IL1RAPL1: variants seen among roughly 807,000 people sequenced by gnomAD.
The protein encoded by IL1RAPL1 is interleukin 1 receptor accessory protein like 1.
Under a neutral mutation model 48.4 loss-of-function variants are expected in IL1RAPL1, and 3 were observed. The observed-to-expected ratio is 0.06, with a 90% CI of 0.03 to 0.16. IL1RAPL1 has a LOEUF of 0.16. IL1RAPL1 is among the 10% of genes least tolerant of loss of function. The pLI is 1.00. For missense variants in IL1RAPL1, 349 were observed against 530.6 expected, an observed-to-expected ratio of 0.66 and a Z score of 3.36; for synonymous variants, 185 against 187.7, an observed-to-expected ratio of 0.99 and a Z score of 0.12.
rs781262575 is a variant in IL1RAPL1, at chrX:28,840,256, G to A, written c.82+50831G>A. Among the ~76,000 whole-genome samples the A allele has an allele frequency of 7.1e-4, 79 of 111,012 alleles. 1 individual carries two copies. Among genetic ancestry groups the A allele is most frequent in the Non-Finnish European group, 1.3e-3 (68 of 52,542 alleles). On this transcript the variant is annotated intron_variant, in intron 2 of 10. Transcript: ENST00000378993. The stretch of plus-strand genomic sequence containing the variant: ...TCTGATAGTGGCATTTCGTATAACC[G>A]TAGTACATGAACAAAATCAGAAAAT...
chrX:28,947,357 C>T (rs902639226), intron 2 of IL1RAPL1, among the ~76,000 whole-genome samples: 4 of 111,650 alleles, frequency 3.6e-5, no homozygotes, highest in East Asian at 2.8e-4. Context: ...GGTTTATTCA[C>T]GTATTCAAAT....
intron 1 of IL1RAPL1, among the ~76,000 whole-genome samples, chrX:28,730,426 G>A (rs757395668): frequency 7.2e-5 from 8 of 110,982 alleles, no homozygotes; most frequent in South Asian, 7.5e-4. Context: ...GAACACTTCC[G>A]AAAAACGACT....
At chrX:28,824,645 T>A (rs1327914845) in intron 2 of IL1RAPL1, among the ~76,000 whole-genome samples, 1 of 111,365 alleles carries the variant, frequency 9.0e-6, no homozygotes, top group East Asian at 2.8e-4. Flanking sequence ...CCTGCTCCGA[T>A]GTTTTGTACA....
intron 3 of IL1RAPL1, among the ~76,000 whole-genome samples, chrX:29,334,342 C>T (rs1932942744): frequency 4.2e-5 from 4 of 94,955 alleles, no homozygotes; most frequent in African/African-American, 1.2e-4. Flanking sequence ...CCCCCACCTC[C>T]CTCCTGGACG....
chrX:29,216,211 A>G (rs1267854645), intron 2 of IL1RAPL1, among the ~76,000 whole-genome samples: 1 of 110,344 alleles, frequency 9.1e-6, no homozygotes, highest in Admixed American at 9.7e-5. Context: ...TTTTGTTGAG[A>G]CAGGGTCTCA....
intron 5 of IL1RAPL1, among the ~76,000 whole-genome samples, chrX:29,538,956 C>G (rs1921338109): frequency 9.0e-6 from 1 of 110,818 alleles, no homozygotes; most frequent in African/African-American, 3.3e-5. Flanking sequence ...GGATTCATAG[C>G]CAAAAATCTA....
chrX:29,565,988 G>A (rs1256855174), intron 5 of IL1RAPL1, among the ~76,000 whole-genome samples: 3 of 108,507 alleles, frequency 2.8e-5, no homozygotes, highest in East Asian at 2.9e-4. Context: ...TCGCTCTGTC[G>A]CCCAGGCTAG....
At chrX:29,388,650 CATT>C (rs1207041438) in intron 3 of IL1RAPL1, among the ~76,000 whole-genome samples, 1 of 111,989 alleles carries the variant, frequency 8.9e-6, no homozygotes, top group African/African-American at 3.2e-5. Flanking sequence ...ACCTTGAAAA[CATT>C]ATGCTAAGTA....
intron 5 of IL1RAPL1, among the ~76,000 whole-genome samples, chrX:29,467,365 A>G (rs1934873943): frequency 8.9e-6 from 1 of 112,630 alleles, no homozygotes; most frequent in Non-Finnish European, 1.9e-5. Context: ...TCTTTTGAAG[A>G]ATCTCAGCTA....
intron 6 of IL1RAPL1, among the ~76,000 whole-genome samples, chrX:29,829,321 AAT>A (rs1040248320): frequency 1.8e-5 from 2 of 110,640 alleles, no homozygotes; most frequent in Non-Finnish European, 3.8e-5. Context: ...TAATGCTAGC[AAT>A]ATTAGTAAAA....
chrX:28,952,742 A>G (rs1924505520), intron 2 of IL1RAPL1, among the ~76,000 whole-genome samples: 1 of 111,485 alleles, frequency 9.0e-6, no homozygotes, highest in South Asian at 3.7e-4. Context: ...GGAAATATGT[A>G]GTGTTTAACA....
chrX:29,356,008 C>T (rs1185291037), intron 3 of IL1RAPL1, among the ~76,000 whole-genome samples: 3 of 111,513 alleles, frequency 2.7e-5, no homozygotes, highest in Non-Finnish European at 5.7e-5. Flanking sequence ...TTGTACCTAA[C>T]GATTAAAATT....
At chrX:29,337,053 C>A (rs1428546131) in intron 3 of IL1RAPL1, among the ~76,000 whole-genome samples, 3 of 110,798 alleles carry the variant, frequency 2.7e-5, no homozygotes, top group South Asian at 3.9e-4. Context: ...TCCCCCCAGT[C>A]TCCTCCAAGT....
chrX:29,333,310 G>A (rs1158001735), intron 3 of IL1RAPL1, among the ~76,000 whole-genome samples: 2 of 107,823 alleles, frequency 1.9e-5, no homozygotes, highest in African/African-American at 3.4e-5. Context: ...CGGACGGGGC[G>A]GTTGGCCAGG....
At chrX:28,612,631 CTAT>C (rs755737606) in intron 1 of IL1RAPL1, among the ~76,000 whole-genome samples, 4 of 111,783 alleles carry the variant, frequency 3.6e-5, no homozygotes, top group Non-Finnish European at 7.5e-5. Context: ...GGCAAGGACA[CTAT>C]TATTACAAAC....
At chrX:29,414,671 A>T (rs1241537051) in intron 5 of IL1RAPL1, among the ~76,000 whole-genome samples, 1 of 111,014 alleles carries the variant, frequency 9.0e-6, no homozygotes, top group Non-Finnish European at 1.9e-5. Context: ...TGGTAATGAG[A>T]CTCTCACTCA....
At chrX:29,260,273 G>A (rs1418524818) in intron 2 of IL1RAPL1, among the ~76,000 whole-genome samples, 2 of 112,458 alleles carry the variant, frequency 1.8e-5, no homozygotes, top group Admixed American at 1.9e-4. Context: ...GCAGACTTTA[G>A]TTGCTGTATT....
intron 1 of IL1RAPL1, among the ~76,000 whole-genome samples, chrX:28,706,387 T>C (rs1424643816): frequency 9.0e-6 from 1 of 110,717 alleles, no homozygotes; most frequent in Non-Finnish European, 1.9e-5. Context: ...CATACATTTC[T>C]TTTTTCTTTT....
intron 2 of IL1RAPL1, among the ~76,000 whole-genome samples, chrX:28,905,222 A>G (rs1923186916): frequency 9.0e-6 from 1 of 111,431 alleles, no homozygotes. Flanking sequence ...AGTATTGTAT[A>G]TACTTATATT....
Sources: gnomAD v4.1 joint callset for allele counts (sites outside exome capture counted in the v4.1 genomes callset) on GRCh38, gnomAD v4.1.1 for gene constraint, MANE v1.5 for transcripts, NCBI Gene and HGNC (gene_info 2026-07-23, HGNC 2026-07-21) for gene names.